Variants in GAK observed in about 807,000 individuals in gnomAD.
The protein encoded by GAK is cyclin G associated kinase.
GAK carries 79 observed loss-of-function variants against 143.9 expected under a neutral mutation model. That is an observed-to-expected ratio of 0.55 (90% confidence interval 0.46 to 0.66). The LOEUF (loss-of-function observed/expected upper bound fraction) is 0.66, where lower values mean the gene tolerates loss of function less well. Ranked by LOEUF, GAK falls within the 30% of genes least tolerant of loss-of-function variation. The pLI is 0.00. For synonymous variants in GAK, 881 were observed against 765.5 expected (o/e 1.15, Z -2.49); for missense variants, 1,693 against 1,779.7 (o/e 0.95, Z 0.88).
At chr4:892,987 C>T (rs962331202) in intron 9 of GAK, among the ~76,000 whole-genome samples, 1 of 152,212 alleles carries the variant, frequency 6.6e-6, no homozygotes, top group Non-Finnish European at 1.5e-5. Flanking sequence ...TGGCTCCCCA[C>T]TGAAGTGGGC....
In GAK at chr4:904,445, C is replaced by G. The variant is rs562453510; in HGVS notation, c.525+192G>C. On this transcript the variant is annotated intron_variant, in intron 5 of 27. Coordinates refer to ENST00000314167, the MANE Select transcript of GAK (RefSeq NM_005255.4). ...GGGCGGCTCCTAACCGAGCGGGACC[C>G]GCACACAGAGGCCTCAGCAGCCGCT... 2.0e-4 allele frequency among the ~76,000 whole-genome samples: 28 copies of G among 142,532 alleles called. No homozygotes were observed. The East Asian group carries it at 5.9e-3, about 30-fold the overall frequency. The allele number at this position is 142,532 out of a possible 152,430, so 93.5% of individuals were successfully genotyped here.
Position 913,605 on chromosome 4 carries a change from A to G in GAK, c.207+2T>C. 1 of 1,610,120 alleles carries G rather than the reference A, an allele frequency of 6.2e-7. No individual in the cohort carries two copies. The highest frequency in any genetic ancestry group is 8.5e-7 in the Non-Finnish European group (1 of 1,176,444). On this transcript the variant is annotated splice_donor_variant, in intron 2 of 27. Coordinates refer to ENST00000314167, the MANE Select transcript of GAK (RefSeq NM_005255.4). LOFTEE classifies it high-confidence loss of function. The stretch of plus-strand genomic sequence containing the variant: ...CAGAGAAGGCGTTAAATGGTTCATT[A>G]CCTTTAATGCATACTCTCTGCCACT...
At chr4:881,542 A>C (rs1251347852) in intron 15 of GAK, among the ~76,000 whole-genome samples, 1 of 152,210 alleles carries the variant, frequency 6.6e-6, no homozygotes, top group Non-Finnish European at 1.5e-5. Context: ...GACTGTACTC[A>C]TGTCTGAGCA....
chr4:867,406 C>G lies in GAK; in HGVS notation c.2422G>C (p.Glu808Gln). The G allele has an allele frequency of 6.5e-7, 1 of 1,537,318 alleles. No individual in the cohort carries two copies. ...TCGCTCTCCTTGGAAGAGGCATTTT[C>G]TGCACCAGTCTCTGCCTCCTTCTCT... ...QEEKEAETGA[E>Q]NASSKESESA... Residue 808 changes from glutamate to glutamine, a missense_variant, in exon 21 of 28, where the codon GAA becomes CAA. Coordinates refer to ENST00000314167, the MANE Select transcript of GAK (RefSeq NM_005255.4).
At chr4:884,332 A>G (rs1222597592) in intron 11 of GAK, 1 of 513,524 alleles carries the variant, frequency 1.9e-6, no homozygotes, top group Non-Finnish European at 3.5e-6. Context: ...GGCATGGGTG[A>G]GACAGGAGAG....
At position 873,491 on chromosome 4, in the gene GAK, C is replaced by A. The variant is rs556229866; in HGVS notation, c.2055-2587G>T. ...CAAAACTCAGGTCAAGTTGGTTAAA[C>A]CTTGTAAAAAAAAAAAAACTATATC... On this transcript the variant is annotated intron_variant, in intron 18 of 27. Coordinates refer to ENST00000314167, the MANE Select transcript of GAK (RefSeq NM_005255.4). Among the ~76,000 whole-genome samples, 15 of 112,382 alleles carry A rather than the reference C, an allele frequency of 1.3e-4. 1 individual carries two copies. The South Asian group carries it at 3.9e-3, about 29-fold the overall frequency. 73.7% of individuals were successfully genotyped at this position (112,382 alleles called of 152,430 possible). A position where few individuals can be genotyped will look rare whatever the true frequency, so the allele number is the denominator to read the frequency against.
chr4:907,181 G>A lies in GAK; in HGVS notation c.383-2402C>T, dbSNP rs553051829. ...GCTCAGGCTGGGCCACGCTAGAATC[G>A]ACTCACAGACCGGACCCACCTGCGT... On this transcript the variant is annotated intron_variant, in intron 4 of 27. Transcript: ENST00000314167. Among the ~76,000 whole-genome samples the A allele has an allele frequency of 4.6e-5, 7 of 152,312 alleles. No individual in the cohort carries two copies. The East Asian group carries it at 9.6e-4, about 21-fold the overall frequency.
rs776443423 is a variant in GAK, at chr4:867,055, G to A, written c.2773C>T (p.Pro925Ser). ...TCCTCGCTGAGCAGATCCTCCGGGG[G>A]CCCCTGGGAGGCGGCCTCAGGGGGC... is the stretch of plus-strand genomic sequence containing the variant. ...LGPPEAASQG[P>S]PEDLLSEDPL... Residue 925 changes from proline (P) to serine (S), a missense_variant, in exon 21 of 28, where the codon CCC becomes TCC. By Grantham distance (74) the Pro-to-Ser change is moderately conservative (BLOSUM62 -1). Transcript: ENST00000314167. 2.6e-6 allele frequency: 4 copies of A among 1,523,064 alleles called. No homozygotes were observed. In the Admixed American group the frequency reaches 6.3e-5, roughly 24 times the overall value. 94.3% of individuals were successfully genotyped at this position (1,523,064 alleles called of 1,614,324 possible).
chr4:870,129 A>G (rs7690306), intron 19 of GAK, among the ~76,000 whole-genome samples: 9,163 of 152,252 alleles, frequency 0.06, 312 homozygotes, highest in Middle Eastern at 0.11. Flanking sequence ...CCACGGACAC[A>G]TACACAGCAC....
At chr4:858,238 A>C (rs1382895705) in intron 24 of GAK, among the ~76,000 whole-genome samples, 2 of 152,192 alleles carry the variant, frequency 1.3e-5, no homozygotes, top group Admixed American at 6.5e-5. Context: ...ATGTGTCGGG[A>C]CAGCAGTGCT....
chr4:914,862 G>A (rs1297790138), intron 1 of GAK, among the ~76,000 whole-genome samples: 2 of 99,950 alleles, frequency 2.0e-5, no homozygotes, highest in Non-Finnish European at 3.8e-5. Context: ...CAGCATGCAC[G>A]GCCCCACACA....
chr4:914,060 GCCC>G (rs1577293421), intron 1 of GAK: 1 of 100,492 alleles, frequency 1.0e-5, no homozygotes, highest in African/African-American at 1.2e-4. Flanking sequence ...AGCGTGCACG[GCCC>G]CCACACACAC....
At chr4:929,509 G>A (rs1387580796) in intron 1 of GAK, among the ~76,000 whole-genome samples, 7 of 152,086 alleles carry the variant, frequency 4.6e-5, no homozygotes, top group Non-Finnish European at 1.0e-4. Context: ...GCATACACCT[G>A]CCCTGGGCAT....
intron 1 of GAK, among the ~76,000 whole-genome samples, chr4:924,088 G>T (rs1386163314): frequency 1.3e-5 from 2 of 151,206 alleles, no homozygotes; most frequent in Non-Finnish European, 2.9e-5. Flanking sequence ...GGGAGGCTGA[G>T]GCAGGAGAAT....
intron 24 of GAK, chr4:852,265 G>A (rs576418150): frequency 4.1e-4 from 192 of 468,836 alleles, no homozygotes; most frequent in African/African-American, 3.8e-3. Context: ...GCAGACCCAG[G>A]GCTTGTCCAC....
At chr4:899,452 G>T (rs920137220) in intron 5 of GAK, among the ~76,000 whole-genome samples, 2 of 152,192 alleles carry the variant, frequency 1.3e-5, no homozygotes, top group East Asian at 1.9e-4. Context: ...CTCCGAGAGG[G>T]CAGCACACCA....
Position 893,911 on chromosome 4 carries a change from C to A in GAK, c.840G>T (p.Pro280=), listed in dbSNP as rs116865703. The part of the protein sequence containing the change: ...RIVNGKYSIP[P]HDTQYTVFHS... ...GGAAGACCGTGTACTGCGTGTCGTG[C>A]GGGGGGATCGAGTACTTCCCATTGA... The change falls in exon 8 of 28, where the codon CCG becomes CCT. Residue 280 remains proline, a synonymous_variant. Coordinates refer to ENST00000314167, the MANE Select transcript of GAK (RefSeq NM_005255.4). 1 of 1,611,290 alleles carries A rather than the reference C, an allele frequency of 6.2e-7. No individual in the cohort carries two copies. The highest frequency in any genetic ancestry group is 8.5e-7 in the Non-Finnish European group (1 of 1,178,838).
In GAK at chr4:913,679, A is replaced by G. The variant is rs1399349044; in HGVS notation, c.146-11T>C. On this transcript the variant is annotated splice_polypyrimidine_tract_variant and intron_variant, in intron 1 of 27. Coordinates refer to ENST00000314167, the MANE Select transcript of GAK (RefSeq NM_005255.4). ...CAAATGCAAACCCTCCTGAAAATTA[A>G]AAAGACTTGTCAGTTCAATGCTATG... The G allele has an allele frequency of 2.0e-5, 32 of 1,608,206 alleles. No homozygotes were observed. The highest frequency in any genetic ancestry group is 2.7e-5 in the Non-Finnish European group (32 of 1,174,734).
At chr4:850,102 C>T in intron 26 of GAK, 34 bp from the exon 27 acceptor site, 3 of 1,529,436 alleles carry the variant, frequency 2.0e-6, no homozygotes, top group African/African-American at 1.4e-5. Flanking sequence ...GAGCCCTGGG[C>T]ACCTGCCTGC....
Sources: gnomAD v4.1 joint callset for allele counts (sites outside exome capture counted in the v4.1 genomes callset) on GRCh38, gnomAD v4.1.1 for gene constraint, MANE v1.5 for transcripts, NCBI Gene and HGNC (gene_info 2026-07-23, HGNC 2026-07-21) for gene names.